Variants in PHACTR2 observed in about 807,000 individuals in gnomAD.
The protein encoded by PHACTR2 is phosphatase and actin regulator 2.
Under a neutral mutation model 76.0 loss-of-function variants are expected in PHACTR2, and 30 were observed. The observed-to-expected ratio is 0.39, with a 90% CI of 0.30 to 0.54. The LOEUF (loss-of-function observed/expected upper bound fraction) is 0.54. Ranked by LOEUF, PHACTR2 falls within the 20% of genes least tolerant of loss-of-function variation. The pLI is 0.61. For synonymous variants in PHACTR2, 292 were observed against 292.5 expected (o/e 1.00, Z 0.02); for missense variants, 696 against 781.1 (o/e 0.89, Z 1.30).
chr6:143,806,952 A>G lies in PHACTR2; in HGVS notation c.1846-105A>G. On this transcript the variant is annotated intron_variant, in intron 11 of 12. Transcript: ENST00000440869. The surrounding 1 kb of genome is among the most constrained non-coding windows in gnomAD (Gnocchi z 5.8). Reference sequence around the variant, plus strand: ...AGCTTGGATGACAGAGCGAGACTCTATCTCTTAAAAAAAAAAAAAAGGTCT... The same window carrying G: ...AGCTTGGATGACAGAGCGAGACTCTGTCTCTTAAAAAAAAAAAAAAGGTCT... 2 of 595,230 alleles carry G rather than the reference A, an allele frequency of 3.4e-6. No individual in the cohort carries two copies. Among genetic ancestry groups the G allele is most frequent in the South Asian group, 4.5e-5 (2 of 44,420 alleles). The allele number at this position is 595,230 out of a possible 1,614,324, so 36.9% of individuals were successfully genotyped here. A position where few individuals can be genotyped will look rare whatever the true frequency, so the allele number is the denominator to read the frequency against.
In PHACTR2 at chr6:143,543,987, T is replaced by G. The variant is rs1160865355; in HGVS notation, c.217+6780T>G. Among the ~76,000 whole-genome samples the G allele has an allele frequency of 6.6e-6, 1 of 152,176 alleles. No individual in the cohort carries two copies. The highest frequency in any genetic ancestry group is 1.5e-5 in the Non-Finnish European group (1 of 68,026). On this transcript the variant is annotated intron_variant, in intron 1 of 11. Coordinates refer to the PHACTR2 transcript ENST00000367584. This position sits in a 1 kb window ranked among gnomAD's most constrained non-coding sequence, Gnocchi z 4.7. Reference sequence around the variant, plus strand: ...CTGAGTATTTCTAACTGAAGGACATTGGAAGGGCCTCAGAAGTAAAGCCTC... The same window carrying G: ...CTGAGTATTTCTAACTGAAGGACATGGGAAGGGCCTCAGAAGTAAAGCCTC...
intron 1 of PHACTR2, among the ~76,000 whole-genome samples, chr6:143,612,099 C>CTATT (rs1260758060): frequency 6.6e-6 from 1 of 152,194 alleles, no homozygotes; most frequent in Non-Finnish European, 1.5e-5. Flanking sequence ...TCACTGATGA[C>CTATT]TATTTAATCC....
chr6:143,810,061 A>G (rs1331798253), intron 12 of PHACTR2, among the ~76,000 whole-genome samples: 1 of 152,154 alleles, frequency 6.6e-6, no homozygotes, highest in Admixed American at 6.5e-5. Flanking sequence ...CAGTGAGCCC[A>G]GATCACACCA....
intron 2 of PHACTR2, among the ~76,000 whole-genome samples, chr6:143,745,697 T>A (rs530689517): frequency 1.3e-5 from 2 of 149,712 alleles, no homozygotes; most frequent in South Asian, 2.2e-4. Flanking sequence ...CCCAGCAACA[T>A]ACTTTCCGTG....
rs1351194646 is a variant in PHACTR2 at position 143,571,292 on chromosome 6, T to C, written c.217+34085T>C. Among the ~76,000 whole-genome samples the C allele has an allele frequency of 6.6e-6, 1 of 152,262 alleles. No homozygotes were observed. The highest frequency in any genetic ancestry group is 1.9e-4 in the East Asian group (1 of 5,204). ...GTTATCATCCTTCTGCATTTATCAA[T>C]TGGAATTCTACTACAATGAAGAGCT... On this transcript the variant is annotated intron_variant, in intron 1 of 11. Transcript: ENST00000367584. The surrounding 1 kb of genome is among the most constrained non-coding windows in gnomAD (Gnocchi z 4.6).
rs1775577419 is a variant in PHACTR2 at position 143,787,237 on chromosome 6, A to C, written c.1708-1536A>C. On this transcript the variant is annotated intron_variant, in intron 10 of 12. Transcript: ENST00000440869. This position sits in a 1 kb window ranked among gnomAD's most constrained non-coding sequence, Gnocchi z 4.6. ...TGACTGGGACAGTCCTGAGGACAAG[A>C]CTGGATGGAGAATTTCTAACCTATA... Among the ~76,000 whole-genome samples, 1 of 152,178 alleles carries C rather than the reference A, an allele frequency of 6.6e-6. No homozygotes were observed. The highest frequency in any genetic ancestry group is 1.5e-5 in the Non-Finnish European group (1 of 68,036).
In PHACTR2 at chr6:143,598,016, A is replaced by T. The variant is rs971403553; in HGVS notation, c.217+60809A>T. Among the ~76,000 whole-genome samples, 1 of 152,106 alleles carries T rather than the reference A, an allele frequency of 6.6e-6. No individual in the cohort carries two copies. Among genetic ancestry groups the T allele is most frequent in the Non-Finnish European group, 1.5e-5 (1 of 68,032 alleles). On this transcript the variant is annotated intron_variant, in intron 1 of 11. Transcript: ENST00000367584. This position sits in a 1 kb window ranked among gnomAD's most constrained non-coding sequence, Gnocchi z 4.1. ...CTGAGCCTGTTCCTGGGGAGAGGCA[A>T]CTTTAGTTAAGGTGACTTGATGCAT...
Position 143,731,023 on chromosome 6 carries a change from C to T in PHACTR2, c.215-17962C>T, listed in dbSNP as rs1009935513. Among the ~76,000 whole-genome samples, 1 of 147,918 alleles carries T rather than the reference C, an allele frequency of 6.8e-6. No homozygotes were observed. Among genetic ancestry groups the T allele is most frequent in the Non-Finnish European group, 1.5e-5 (1 of 68,008 alleles). On this transcript the variant is annotated intron_variant, in intron 2 of 12. Coordinates refer to ENST00000440869, the MANE Select transcript of PHACTR2 (RefSeq NM_001100164.2). The surrounding 1 kb of genome is among the most constrained non-coding windows in gnomAD (Gnocchi z 4.9). ...TCAGCCTTCAAAAGTGCTGAGATTACAGGCGTGAGCCACCACGTCCAGCCC... is the reference window on the plus strand; with the variant it reads ...TCAGCCTTCAAAAGTGCTGAGATTATAGGCGTGAGCCACCACGTCCAGCCC...
Position 143,633,854 on chromosome 6 carries a change from T to C in PHACTR2, c.13+25532T>C, listed in dbSNP as rs1358904128. On this transcript the variant is annotated intron_variant, in intron 1 of 11. Coordinates refer to the PHACTR2 transcript ENST00000305766. The surrounding 1 kb of genome is among the most constrained non-coding windows in gnomAD (Gnocchi z 4.1). ...AGATTCATTTTTTCGCATTTAGATG[T>C]CCAGTTACCTTTTGAAGATGAACTT... 6.6e-6 allele frequency among the ~76,000 whole-genome samples: 1 copy of C among 152,198 alleles called. No homozygotes were observed. Among genetic ancestry groups the C allele is most frequent in the East Asian group, 1.9e-4 (1 of 5,200 alleles).
chr6:143,537,216 G>A lies in PHACTR2; in HGVS notation c.217+9G>A. On this transcript the variant is annotated intron_variant, in intron 1 of 11. Transcript: ENST00000367584. This position sits in a 1 kb window ranked among gnomAD's most constrained non-coding sequence, Gnocchi z 4.4. The stretch of plus-strand genomic sequence containing the variant: ...CCACATCTCCGGCTCAGGTAAGAGC[G>A]GCTCGGGGCGCGGGCCGGGGAGGGC... 1 of 239,532 alleles carries A rather than the reference G, an allele frequency of 4.2e-6. No individual in the cohort carries two copies. The allele number at this position is 239,532 out of a possible 1,614,324, so 14.8% of individuals were successfully genotyped here.
intron 1 of PHACTR2, among the ~76,000 whole-genome samples, chr6:143,576,901 A>C (rs1775522698): frequency 6.7e-6 from 1 of 150,210 alleles, no homozygotes; most frequent in Non-Finnish European, 1.5e-5. Flanking sequence ...AAAAAAAAAA[A>C]AAAAAAATTA....
Position 143,610,939 on chromosome 6 carries a change from A to G in PHACTR2, c.13+2617A>G, listed in dbSNP as rs1775964742. On this transcript the variant is annotated intron_variant, in intron 1 of 11. Transcript: ENST00000305766. This position sits in a 1 kb window ranked among gnomAD's most constrained non-coding sequence, Gnocchi z 4.9. Reference sequence around the variant, plus strand: ...ATGGCTATTTCTTCTTAGAAGTTATATAACAAGTCAAATAGATGGTGCTTT... The same window carrying G: ...ATGGCTATTTCTTCTTAGAAGTTATGTAACAAGTCAAATAGATGGTGCTTT... 6.6e-6 allele frequency among the ~76,000 whole-genome samples: 1 copy of G among 152,146 alleles called. No individual in the cohort carries two copies. The highest frequency in any genetic ancestry group is 2.1e-4 in the South Asian group (1 of 4,822).
intron 1 of PHACTR2, among the ~76,000 whole-genome samples, chr6:143,626,782 G>A (rs917075626): frequency 6.6e-6 from 1 of 152,146 alleles, no homozygotes; most frequent in Non-Finnish European, 1.5e-5. Flanking sequence ...GATGTGAAGC[G>A]TGTCAATTAA....
chr6:143,683,494 C>T lies in PHACTR2; in HGVS notation c.46+5285C>T, dbSNP rs115037675. Among the ~76,000 whole-genome samples, 412 of 152,278 alleles carry T rather than the reference C, an allele frequency of 2.7e-3. 3 individuals are homozygous for T. Among genetic ancestry groups the T allele is most frequent in the African/African-American group, 9.3e-3 (386 of 41,546 alleles). ...CACAGATCAGCACTTGGCTGCTTCT[C>T]CTCAATCCTTGGGTTGAAAGGGCAG... On this transcript the variant is annotated intron_variant, in intron 1 of 12. Transcript: ENST00000440869. This position sits in a 1 kb window ranked among gnomAD's most constrained non-coding sequence, Gnocchi z 4.1.
chr6:143,629,383 T>C (rs1417841475), intron 1 of PHACTR2, among the ~76,000 whole-genome samples: 2 of 152,152 alleles, frequency 1.3e-5, no homozygotes, highest in African/African-American at 2.4e-5. Flanking sequence ...AGCATTTGAA[T>C]TATTATCAAG....
chr6:143,577,672 C>T (rs1775530174), intron 1 of PHACTR2, among the ~76,000 whole-genome samples: 1 of 152,004 alleles, frequency 6.6e-6, no homozygotes, highest in Non-Finnish European at 1.5e-5. Context: ...ATTTGAACTA[C>T]AGCCTCTAAA....
chr6:143,771,156 ATG>A (rs1554227161), intron 6 of PHACTR2, among the ~76,000 whole-genome samples: 2,482 of 38,992 alleles, frequency 0.064, 82 homozygotes, highest in East Asian at 0.11. Context: ...ATATATATAT[ATG>A]TATATATATA....
At chr6:143,632,413 T>G (rs902408766) in intron 1 of PHACTR2, among the ~76,000 whole-genome samples, 3 of 152,204 alleles carry the variant, frequency 2.0e-5, no homozygotes, top group African/African-American at 7.2e-5. Context: ...GGCAAATAAA[T>G]GTGTTTGACT....
chr6:143,693,988 G>A (rs773472774), intron 1 of PHACTR2, among the ~76,000 whole-genome samples: 9 of 152,032 alleles, frequency 5.9e-5, no homozygotes, highest in East Asian at 1.9e-4. Flanking sequence ...AGGATCACCC[G>A]AACCCAGGAG....
Sources: gnomAD v4.1 joint callset for allele counts (sites outside exome capture counted in the v4.1 genomes callset) on GRCh38, gnomAD v4.1.1 for gene constraint, Gnocchi (gnomAD v3.1) non-coding constraint, MANE v1.5 for transcripts, NCBI Gene and HGNC (gene_info 2026-07-23, HGNC 2026-07-21) for gene names.